PITPNM2: variants seen among roughly 807,000 people sequenced by gnomAD.
PITPNM2 encodes membrane-associated phosphatidylinositol transfer protein 2.
Under a neutral mutation model 132.2 loss-of-function variants are expected in PITPNM2, and 35 were observed. The observed-to-expected ratio is 0.26, with a 90% CI of 0.20 to 0.35. The LOEUF (loss-of-function observed/expected upper bound fraction) is 0.35, where lower values mean the gene tolerates loss of function less well. Among genes scored for constraint, PITPNM2 ranks in the 10% least tolerant of loss-of-function variants. The pLI, the probability that PITPNM2 is intolerant of heterozygous loss-of-function variation, is 1.00. For missense variants in PITPNM2, 1,332 were observed against 1,912.0 expected, an observed-to-expected ratio of 0.70 and a Z score of 5.66; for synonymous variants, 738 against 799.2, an observed-to-expected ratio of 0.92 and a Z score of 1.29.
At chr12:123,044,914 A>G (rs937135205) in intron 2 of PITPNM2, among the ~76,000 whole-genome samples, 2 of 152,104 alleles carry the variant, frequency 1.3e-5, no homozygotes, top group African/African-American at 2.4e-5. Context: ...AGCCTCCTTA[A>G]GTAGCTGGGA....
At chr12:123,014,302 A>C (rs532368873) in intron 3 of PITPNM2, among the ~76,000 whole-genome samples, 1 of 152,352 alleles carries the variant, frequency 6.6e-6, no homozygotes, top group Non-Finnish European at 1.5e-5. Context: ...CTGTCCCAGG[A>C]CTAAAAGCGT....
chr12:122,990,933 G>A (rs1315184979), intron 16 of PITPNM2, among the ~76,000 whole-genome samples: 1 of 152,216 alleles, frequency 6.6e-6, no homozygotes, highest in African/African-American at 2.4e-5. Flanking sequence ...CACAGACACA[G>A]GGCAGGGAGG....
intron 6 of PITPNM2, chr12:123,007,461 G>A (rs1051103818): frequency 4.6e-5 from 21 of 454,796 alleles, no homozygotes; most frequent in East Asian, 1.4e-4. Flanking sequence ...ATGTACCCCC[G>A]CCTCCCCTAG....
rs574541235 is a variant in PITPNM2, at chr12:123,049,892, T to C, written c.-95-15207A>G. On this transcript the variant is annotated intron_variant, in intron 2 of 25. Coordinates refer to ENST00000320201, the MANE Select transcript of PITPNM2 (RefSeq NM_020845.3). ...CTTAGTAGGTACTCAAGAAGGGTAA[T>C]TGGCAAATGTTCACAAAAAAACCCT... 3.3e-5 allele frequency among the ~76,000 whole-genome samples: 5 copies of C among 152,328 alleles called. 1 individual carries two copies. In the East Asian group the frequency reaches 7.7e-4, roughly 24 times the overall value.
chr12:123,048,539 A>T (rs982335222), intron 2 of PITPNM2, among the ~76,000 whole-genome samples: 1 of 152,010 alleles, frequency 6.6e-6, no homozygotes, highest in African/African-American at 2.4e-5. Flanking sequence ...CAGCCTCCCG[A>T]GTAGCTGGGA....
At chr12:123,151,805 GAA>G (rs892915358), upstream of PITPNM2, among the ~76,000 whole-genome samples, 1 of 152,246 alleles carries the variant, frequency 6.6e-6, no homozygotes, top group African/African-American at 2.4e-5. Flanking sequence ...GGCAAAATCT[GAA>G]GTCATGGAAC....
intron 2 of PITPNM2, among the ~76,000 whole-genome samples, chr12:123,080,057 G>A (rs1046162517): frequency 2.6e-5 from 4 of 152,076 alleles, no homozygotes; most frequent in African/African-American, 4.8e-5. Context: ...TCTTTCACTC[G>A]GTATCCTGTT....
intron 13 of PITPNM2, among the ~76,000 whole-genome samples, chr12:122,995,970 G>T (rs1049758496): frequency 3.3e-5 from 5 of 152,216 alleles, no homozygotes; most frequent in African/African-American, 1.2e-4. Flanking sequence ...TCAGGCTCAT[G>T]AAACCACACG....
At chr12:123,119,638 G>A (rs1005330290) in intron 1 of PITPNM2, among the ~76,000 whole-genome samples, 4 of 152,098 alleles carry the variant, frequency 2.6e-5, no homozygotes, top group Middle Eastern at 3.4e-3. Flanking sequence ...GATTACAGGC[G>A]TGAGCCACCG....
Position 123,068,278 on chromosome 12 carries a change from T to C in PITPNM2, c.-95-33593A>G, listed in dbSNP as rs552137371. Among the ~76,000 whole-genome samples, 197 of 152,068 alleles carry C rather than the reference T, an allele frequency of 1.3e-3. 2 individuals carry two copies. Among genetic ancestry groups the C allele is most frequent in the Middle Eastern group, 6.8e-3 (2 of 294 alleles). ...GTCAGGAGATCGAGAACATCCTGGC[T>C]AACACGGTGAAACCCCGTCTCTACT... On this transcript the variant is annotated intron_variant, in intron 2 of 25. Coordinates refer to ENST00000320201, the MANE Select transcript of PITPNM2 (RefSeq NM_020845.3).
intron 10 of PITPNM2, 103 bp from the exon 11 acceptor site, chr12:122,997,675 A>G (rs971898706): frequency 1.1e-5 from 16 of 1,479,996 alleles, no homozygotes; most frequent in African/African-American, 4.2e-5. Context: ...ACGCAGCCCA[A>G]CTGCTCCCTC....
chr12:123,129,339 C>A (rs979557861), intron 1 of PITPNM2, among the ~76,000 whole-genome samples: 1 of 151,952 alleles, frequency 6.6e-6, no homozygotes, highest in South Asian at 2.1e-4. Context: ...GAGGCCGAGG[C>A]GGGCGGATCA....
At position 123,051,419 on chromosome 12, in the gene PITPNM2, G is replaced by A. The variant is rs574589633; in HGVS notation, c.-95-16734C>T. 1.8e-3 allele frequency among the ~76,000 whole-genome samples: 278 copies of A among 152,322 alleles called. 3 individuals are homozygous for A. The highest frequency in any genetic ancestry group is 2.8e-3 in the Non-Finnish European group (188 of 68,040). On this transcript the variant is annotated intron_variant, in intron 2 of 25. Coordinates refer to ENST00000320201, the MANE Select transcript of PITPNM2 (RefSeq NM_020845.3). ...TCCACGTATGTGTCTTATTCTCTCT[G>A]CAGCTTCCTTTTCTTCCAGTGTTGT...
rs947945811 is a variant in PITPNM2, at chr12:123,005,535, C to T, written c.657G>A (p.Val219=). ...RFIHDTGLRR[V]MVRAHRQAWC... ...AGGCCTGCCGGTGAGCCCGCACCAT[C>T]ACCCTCCGTAGTCCTGTGCCCCATG... Residue 219 remains valine, a synonymous_variant, in exon 7 of 26, where the codon GTG becomes GTA. Transcript: ENST00000320201. The surrounding 1 kb of genome is among the most constrained non-coding windows in gnomAD (Gnocchi z 6.2). 9 of 1,613,342 alleles carry T rather than the reference C, an allele frequency of 5.6e-6. No individual in the cohort carries two copies. The African/African-American group carries it at 9.3e-5, about 17-fold the overall frequency.
intron 2 of PITPNM2, among the ~76,000 whole-genome samples, chr12:123,086,012 C>T (rs1283149409): frequency 3.3e-5 from 5 of 152,258 alleles, no homozygotes; most frequent in African/African-American, 9.6e-5. Context: ...CTCCTGGTCT[C>T]GGCATTCACT....
At position 123,031,557 on chromosome 12, in the gene PITPNM2, C is replaced by T. The variant is rs1319965499; in HGVS notation, c.78+2956G>A. On this transcript the variant is annotated intron_variant, in intron 3 of 25. Transcript: ENST00000320201. The surrounding 1 kb of genome is among the most constrained non-coding windows in gnomAD (Gnocchi z 4.5). The stretch of plus-strand genomic sequence containing the variant: ...TCCTCAGGCCGGAGACAGCACACAC[C>T]AAGAACACAGAGGACACAGGTGCAG... Among the ~76,000 whole-genome samples, 1 of 152,160 alleles carries T rather than the reference C, an allele frequency of 6.6e-6. No individual in the cohort carries two copies. The highest frequency in any genetic ancestry group is 1.5e-5 in the Non-Finnish European group (1 of 68,030).
rs1257043559 is a variant in PITPNM2 at position 123,031,993 on chromosome 12, G to A, written c.78+2520C>T. Reference sequence around the variant, plus strand: ...GGGCCCTGAGAGTGCTGATGCTCACGATCTGCAAGGCGGGAGATGTTTCCA... The same window carrying A: ...GGGCCCTGAGAGTGCTGATGCTCACAATCTGCAAGGCGGGAGATGTTTCCA... On this transcript the variant is annotated intron_variant, in intron 3 of 25. Coordinates refer to ENST00000320201, the MANE Select transcript of PITPNM2 (RefSeq NM_020845.3). This position sits in a 1 kb window ranked among gnomAD's most constrained non-coding sequence, Gnocchi z 4.5. 1.3e-5 allele frequency among the ~76,000 whole-genome samples: 2 copies of A among 152,178 alleles called. No individual in the cohort carries two copies. Among genetic ancestry groups the A allele is most frequent in the East Asian group, 1.9e-4 (1 of 5,198 alleles).
At chr12:123,061,995 G>A (rs1287217698) in intron 2 of PITPNM2, among the ~76,000 whole-genome samples, 1 of 152,120 alleles carries the variant, frequency 6.6e-6, no homozygotes, top group Non-Finnish European at 1.5e-5. Context: ...GAGGTAGGCG[G>A]TAAGTTCCTA....
chr12:123,096,272 G>A (rs972302935), intron 2 of PITPNM2, among the ~76,000 whole-genome samples: 2 of 152,220 alleles, frequency 1.3e-5, no homozygotes, highest in African/African-American at 4.8e-5. Context: ...ATTAACACAT[G>A]CCCTGCTTGC....
Sources: gnomAD v4.1 joint callset for allele counts (sites outside exome capture counted in the v4.1 genomes callset) on GRCh38, gnomAD v4.1.1 for gene constraint, Gnocchi (gnomAD v3.1) non-coding constraint, MANE v1.5 for transcripts, NCBI Gene and HGNC (gene_info 2026-07-23, HGNC 2026-07-21) for gene names.